Variants in KCNAB2 observed in about 807,000 individuals in gnomAD.
The protein encoded by KCNAB2 is voltage-gated potassium channel subunit beta-2.
KCNAB2 carries 29 observed loss-of-function variants against 63.6 expected under a neutral mutation model. The observed-to-expected ratio is 0.46, with a 90% CI of 0.34 to 0.62. The LOEUF is 0.62. Ranked by LOEUF, KCNAB2 falls within the 20% of genes least tolerant of loss-of-function variation. The probability of loss-of-function intolerance (pLI) is 0.01; values close to 1 mark genes in which losing one functional copy is unlikely to be tolerated. For missense variants in KCNAB2, 359 were observed against 563.9 expected (o/e 0.64, Z 3.68); for synonymous variants, 222 against 224.2 (o/e 0.99, Z 0.09).
In KCNAB2 at chr1:6,089,120, G is replaced by A. The variant is rs531250264; in HGVS notation, c.514+69G>A. ...ATCATCCTCGGAGGCCAAAGTGATG[G>A]CAGCACAGGGCCCGACCCCCCCAGT... On this transcript the variant is annotated intron_variant, in intron 8 of 15. Transcript: ENST00000378083. 3.7e-5 allele frequency: 54 copies of A among 1,461,608 alleles called. No individual in the cohort carries two copies. In the Admixed American group the frequency reaches 6.7e-4, roughly 18 times the overall value. The allele number at this position is 1,461,608 out of a possible 1,614,324, so 90.5% of individuals were successfully genotyped here.
chr1:6,021,136 G>A (rs750677342), intron 1 of KCNAB2, among the ~76,000 whole-genome samples: 129 of 152,186 alleles, frequency 8.5e-4, no homozygotes, highest in Non-Finnish European at 1.5e-3. Flanking sequence ...TGGACTGCAG[G>A]TGCACATCAC....
intron 1 of KCNAB2, among the ~76,000 whole-genome samples, chr1:6,000,985 G>T (rs147694528): frequency 6.6e-6 from 1 of 152,178 alleles, no homozygotes; most frequent in Admixed American, 6.5e-5. Context: ...ATCTCACATC[G>T]TCAGGAAAGG....
intron 2 of KCNAB2, among the ~76,000 whole-genome samples, chr1:6,053,384 G>A (rs1661548677): frequency 1.3e-5 from 2 of 152,196 alleles, no homozygotes; most frequent in Non-Finnish European, 1.5e-5. Flanking sequence ...GCCTGGGGGT[G>A]TGGGGGGCAG....
chr1:6,016,688 G>C (rs1050760157), intron 1 of KCNAB2, among the ~76,000 whole-genome samples: 1 of 152,216 alleles, frequency 6.6e-6, no homozygotes. Context: ...GCAGGCAGTA[G>C]ACGGCAGCGG....
chr1:6,086,251 T>G lies in KCNAB2; in HGVS notation c.425+1003T>G. 8.6e-5 allele frequency: 46 copies of G among 536,562 alleles called. No individual in the cohort carries two copies. Among genetic ancestry groups the G allele is most frequent in the South Asian group, 1.7e-4 (2 of 11,682 alleles). 33.2% of individuals were successfully genotyped at this position (536,562 alleles called of 1,614,324 possible). ...AGTGCCAAGGGGAGCCCCCGCCCCCTCCCCCATGGATTCCTGACACCCCTT... is the reference window on the plus strand; with the variant it reads ...AGTGCCAAGGGGAGCCCCCGCCCCCGCCCCCATGGATTCCTGACACCCCTT... On this transcript the variant is annotated intron_variant, in intron 6 of 15. Coordinates refer to ENST00000378083, the MANE Select transcript of KCNAB2 (RefSeq NM_001199862.2). The surrounding 1 kb of genome is among the most constrained non-coding windows in gnomAD (Gnocchi z 4.2).
intron 1 of KCNAB2, among the ~76,000 whole-genome samples, chr1:6,047,047 T>C (rs1316651318): frequency 6.6e-6 from 1 of 152,224 alleles, no homozygotes; most frequent in Non-Finnish European, 1.5e-5. Context: ...AGGAAAGAAC[T>C]TGTGGGTTCC....
In KCNAB2 at chr1:6,096,633, C is replaced by T. The variant is rs766678109; in HGVS notation, c.949-3C>T. 1.9e-6 allele frequency: 3 copies of T among 1,609,782 alleles called. No individual in the cohort carries two copies. Among genetic ancestry groups the T allele is most frequent in the Non-Finnish European group, 2.5e-6 (3 of 1,178,482 alleles). Reference sequence around the variant, plus strand: ...CTGTGCTGCTCCCCTCCCCCGCAACCAGGGCTACCAGTGGCTGAAGGACAA... The same window carrying T: ...CTGTGCTGCTCCCCTCCCCCGCAACTAGGGCTACCAGTGGCTGAAGGACAA... On this transcript the variant is annotated splice_region_variant and splice_polypyrimidine_tract_variant and intron_variant, in intron 13 of 15. Coordinates refer to ENST00000378083, the MANE Select transcript of KCNAB2 (RefSeq NM_001199862.2). The surrounding 1 kb of genome is among the most constrained non-coding windows in gnomAD (Gnocchi z 5.9).
intron 10 of KCNAB2, among the ~76,000 whole-genome samples, chr1:6,094,190 C>T (rs185329198): frequency 6.6e-6 from 1 of 152,272 alleles, no homozygotes; most frequent in Admixed American, 6.5e-5. Context: ...TTTTCACGAC[C>T]AACTTCTAGG....
intron 4 of KCNAB2, among the ~76,000 whole-genome samples, chr1:6,081,516 G>A (rs894905045): frequency 3.9e-5 from 6 of 152,224 alleles, no homozygotes; most frequent in Non-Finnish European, 8.8e-5. Flanking sequence ...CATAACCTGG[G>A]GGCCTGAAAC....
At chr1:6,093,771 C>A (rs1429600375) in intron 10 of KCNAB2, among the ~76,000 whole-genome samples, 1 of 152,194 alleles carries the variant, frequency 6.6e-6, no homozygotes, top group Non-Finnish European at 1.5e-5. Context: ...CATGGTCTTA[C>A]AAGGCTTTCC....
chr1:6,031,117 G>A (rs1373524768), upstream of KCNAB2, among the ~76,000 whole-genome samples: 2 of 152,158 alleles, frequency 1.3e-5, no homozygotes, highest in East Asian at 3.9e-4. The surrounding 1 kb of genome is among the most constrained non-coding windows in gnomAD (Gnocchi z 4.1). Flanking sequence ...CCCCACACCA[G>A]GTCAAATCAG....
At chr1:6,048,629 T>C (rs1661135052) in intron 1 of KCNAB2, among the ~76,000 whole-genome samples, 1 of 152,250 alleles carries the variant, frequency 6.6e-6, no homozygotes, top group Non-Finnish European at 1.5e-5. Flanking sequence ...CTAATGGCTA[T>C]TGATCTCAGC....
At chr1:6,015,690 A>ATTGG in intron 1 of KCNAB2, among the ~76,000 whole-genome samples, 1 of 152,044 alleles carries the variant, frequency 6.6e-6, no homozygotes, top group South Asian at 2.1e-4. Context: ...TTTTTGGTTG[A>ATTGG]TTGGTTGGTT....
chr1:6,000,924 G>A (rs1657219749), intron 1 of KCNAB2, among the ~76,000 whole-genome samples: 1 of 152,160 alleles, frequency 6.6e-6, no homozygotes. Context: ...GGGCACCAAG[G>A]CGTCACTCAG....
At chr1:6,013,261 G>A (rs1346027698) in intron 1 of KCNAB2, among the ~76,000 whole-genome samples, 1 of 151,894 alleles carries the variant, frequency 6.6e-6, no homozygotes, top group African/African-American at 2.4e-5. Context: ...CCTGCCCTCA[G>A]TGTCCCGCTG....
At chr1:6,084,948 G>A (rs1049958388) in intron 5 of KCNAB2, among the ~76,000 whole-genome samples, 38 of 152,242 alleles carry the variant, frequency 2.5e-4, no homozygotes, top group African/African-American at 7.7e-4. Context: ...AGCTGGGGCC[G>A]CCACTGCTTA....
chr1:6,072,240 C>A (rs745512869), intron 2 of KCNAB2, among the ~76,000 whole-genome samples: 2 of 152,224 alleles, frequency 1.3e-5, no homozygotes, highest in Non-Finnish European at 2.9e-5. Flanking sequence ...TGCTTGAGAA[C>A]TGGCAGCCCT....
At chr1:6,021,965 G>T (rs1050577867) in intron 1 of KCNAB2, among the ~76,000 whole-genome samples, 3 of 152,058 alleles carry the variant, frequency 2.0e-5, no homozygotes, top group Non-Finnish European at 4.4e-5. Flanking sequence ...ATGGTTCAGT[G>T]GTACTGAGTG....
chr1:6,003,519 G>T lies in KCNAB2; in HGVS notation c.-53+10731G>T, dbSNP rs933881202. Among the ~76,000 whole-genome samples, 1 of 152,196 alleles carries T rather than the reference G, an allele frequency of 6.6e-6. No individual in the cohort carries two copies. The highest frequency in any genetic ancestry group is 2.4e-5 in the African/African-American group (1 of 41,446). ...GTGGCCACATTATACCCTCCCGTTT[G>T]TCTATAGTTCACTTAAACATTATTT... On this transcript the variant is annotated intron_variant, in intron 1 of 16. Coordinates refer to the KCNAB2 transcript ENST00000341524. This position sits in a 1 kb window ranked among gnomAD's most constrained non-coding sequence, Gnocchi z 4.1.
Sources: gnomAD v4.1 joint callset for allele counts (sites outside exome capture counted in the v4.1 genomes callset) on GRCh38, gnomAD v4.1.1 for gene constraint, Gnocchi (gnomAD v3.1) non-coding constraint, MANE v1.5 for transcripts, NCBI Gene and HGNC (gene_info 2026-07-23, HGNC 2026-07-21) for gene names.